The following GPM6A variants were observed in gnomAD, a reference collection of about 807,000 sequenced individuals.
The protein encoded by GPM6A is neuronal membrane glycoprotein M6-a.
Under a neutral mutation model 32.1 loss-of-function variants are expected in GPM6A, and 7 were observed. The ratio of observed to expected loss-of-function variants is 0.22; its 90% CI spans 0.12 to 0.41. The LOEUF (loss-of-function observed/expected upper bound fraction) is 0.41, where lower values mean the gene tolerates loss of function less well. GPM6A is among the 10% of genes least tolerant of loss of function. The probability of loss-of-function intolerance (pLI) is 1.00; values close to 1 mark genes in which losing one functional copy is unlikely to be tolerated. For synonymous variants in GPM6A, 130 were observed against 123.4 expected (o/e 1.05, Z -0.35); for missense variants, 235 against 347.2 (o/e 0.68, Z 2.57).
intron 1 of GPM6A, among the ~76,000 whole-genome samples, chr4:175,707,890 T>C (rs529634840): frequency 1.3e-5 from 2 of 152,352 alleles, no homozygotes; most frequent in African/African-American, 4.8e-5. Context: ...AATAATTTTT[T>C]TTCTTCTTTT....
chr4:175,819,303 T>C (rs1735204827), intron 1 of GPM6A, among the ~76,000 whole-genome samples: 1 of 152,120 alleles, frequency 6.6e-6, no homozygotes, highest in Non-Finnish European at 1.5e-5. Flanking sequence ...GAATAAACTT[T>C]ATAGCTCACT....
chr4:175,764,939 T>A (rs960853373), intron 1 of GPM6A, among the ~76,000 whole-genome samples: 2 of 151,476 alleles, frequency 1.3e-5, no homozygotes, highest in Non-Finnish European at 2.9e-5. Context: ...AATGGCGCCA[T>A]CTCAGCTCAC....
At chr4:175,801,339 ATAT>A (rs935696376) in intron 1 of GPM6A, among the ~76,000 whole-genome samples, 45 of 120,792 alleles carry the variant, frequency 3.7e-4, no homozygotes, top group Middle Eastern at 4.4e-3. Context: ...AGGTATGTTA[ATAT>A]TATAGGTATT....
At chr4:175,970,278 G>C (rs750521241) in intron 1 of GPM6A, among the ~76,000 whole-genome samples, 10 of 152,180 alleles carry the variant, frequency 6.6e-5, no homozygotes, top group Non-Finnish European at 1.5e-4. Context: ...AGGAAACTGA[G>C]GGTTGAAGGT....
intron 3 of GPM6A, among the ~76,000 whole-genome samples, chr4:175,673,032 T>C (rs1743169015): frequency 6.6e-6 from 1 of 152,094 alleles, no homozygotes; most frequent in Non-Finnish European, 1.5e-5. Context: ...AAGGAAAATA[T>C]GTCTGTCAAG....
intron 1 of GPM6A, among the ~76,000 whole-genome samples, chr4:175,721,907 A>G (rs554164442): frequency 1.3e-5 from 2 of 152,320 alleles, no homozygotes; most frequent in East Asian, 3.9e-4. Flanking sequence ...AATGACAGAG[A>G]AAAATGTATT....
upstream of GPM6A, chr4:175,812,343 T>G (rs1734965162): frequency 1.9e-6 from 2 of 1,050,332 alleles, no homozygotes; most frequent in Admixed American, 3.4e-5. Flanking sequence ...TTTTTTTTCC[T>G]GGGAAGCTCC....
chr4:176,000,503 TAA>T (rs953005511), intron 1 of GPM6A, among the ~76,000 whole-genome samples: 2 of 152,222 alleles, frequency 1.3e-5, no homozygotes, highest in Non-Finnish European at 2.9e-5. Flanking sequence ...TAAAAATAAT[TAA>T]GTTTGAAATT....
intron 1 of GPM6A, among the ~76,000 whole-genome samples, chr4:175,864,895 A>G (rs1258305318): frequency 6.6e-6 from 1 of 151,108 alleles, no homozygotes; most frequent in Non-Finnish European, 1.5e-5. Flanking sequence ...CAACCTCTGC[A>G]CCTAGGCTCA....
intron 1 of GPM6A, among the ~76,000 whole-genome samples, chr4:175,878,511 G>A (rs1003701044): frequency 6.6e-6 from 1 of 152,136 alleles, no homozygotes; most frequent in African/African-American, 2.4e-5. Flanking sequence ...AAGGCTTGGG[G>A]CTTTCAACTT....
chr4:175,917,090 T>C (rs1449122289), intron 1 of GPM6A, among the ~76,000 whole-genome samples: 3 of 152,086 alleles, frequency 2.0e-5, no homozygotes, highest in Non-Finnish European at 4.4e-5. Flanking sequence ...TCCTGGCAAA[T>C]ATCATCCGTC....
intron 1 of GPM6A, among the ~76,000 whole-genome samples, chr4:175,737,146 G>A (rs964100083): frequency 8.5e-5 from 13 of 152,172 alleles, no homozygotes; most frequent in South Asian, 4.1e-4. Flanking sequence ...AGTAAAAGAT[G>A]ATCTCTGCTT....
At chr4:175,935,701 T>C (rs999441900) in intron 1 of GPM6A, among the ~76,000 whole-genome samples, 5 of 152,148 alleles carry the variant, frequency 3.3e-5, no homozygotes, top group Non-Finnish European at 4.4e-5. Flanking sequence ...GACTCATTAA[T>C]ATAAAGATAT....
intron 3 of GPM6A, among the ~76,000 whole-genome samples, chr4:175,663,694 A>AT (rs34558330): frequency 0.16 from 22,596 of 141,382 alleles, 4,094 homozygotes; most frequent in African/African-American, 0.45. Flanking sequence ...TAAAATGTAA[A>AT]TTTTTTTTTT....
intron 2 of GPM6A, among the ~76,000 whole-genome samples, chr4:175,699,200 T>C (rs900848086): frequency 2.6e-5 from 4 of 152,192 alleles, no homozygotes; most frequent in Admixed American, 6.5e-5. Flanking sequence ...CATTAAAATA[T>C]ATCCATGCAA....
At chr4:175,910,761 A>G (rs905150426) in intron 1 of GPM6A, among the ~76,000 whole-genome samples, 6 of 152,156 alleles carry the variant, frequency 3.9e-5, no homozygotes, top group African/African-American at 1.4e-4. Flanking sequence ...TACCTCTCTA[A>G]ACCGGAGTTC....
At chr4:175,960,142 T>C (rs1201207901) in intron 1 of GPM6A, among the ~76,000 whole-genome samples, 1 of 152,236 alleles carries the variant, frequency 6.6e-6, no homozygotes, top group African/African-American at 2.4e-5. Flanking sequence ...ACTTGTTTTC[T>C]TAAATAAGCT....
intron 1 of GPM6A, among the ~76,000 whole-genome samples, chr4:175,995,615 T>G (rs918470739): frequency 1.3e-5 from 2 of 152,044 alleles, no homozygotes; most frequent in African/African-American, 4.8e-5. Flanking sequence ...CAGGTCCAGC[T>G]CTCAAGCCCA....
chr4:175,996,538 G>C (rs1404025608), intron 1 of GPM6A, among the ~76,000 whole-genome samples: 1 of 152,102 alleles, frequency 6.6e-6, no homozygotes, highest in Admixed American at 6.5e-5. Context: ...CCCTACAATA[G>C]CCTTAGAAAC....
Sources: allele counts gnomAD v4.1 joint callset (sites outside exome capture counted in the v4.1 genomes callset), GRCh38; gene constraint gnomAD v4.1.1; transcripts MANE v1.5; gene names NCBI Gene and HGNC (gene_info 2026-07-23, HGNC 2026-07-21).